ROBO2: variants seen among roughly 807,000 people sequenced by gnomAD.
The protein encoded by ROBO2 is roundabout guidance receptor 2, also known as roundabout homolog 2.
ROBO2 carries 53 observed loss-of-function variants against 160.8 expected under a neutral mutation model. The observed-to-expected ratio is 0.33, with a 90% CI of 0.26 to 0.41. The LOEUF (loss-of-function observed/expected upper bound fraction) is 0.41. Ranked by LOEUF, ROBO2 falls within the 10% of genes least tolerant of loss-of-function variation. The pLI, the probability that ROBO2 is intolerant of heterozygous loss-of-function variation, is 1.00. For missense variants in ROBO2, 1,577 were observed against 1,722.4 expected, an observed-to-expected ratio of 0.92 and a Z score of 1.49; for synonymous variants, 664 against 611.7, an observed-to-expected ratio of 1.09 and a Z score of -1.26.
chr3:77,004,155 T>C (rs1050142646), intron 2 of ROBO2, among the ~76,000 whole-genome samples: 1 of 152,204 alleles, frequency 6.6e-6, no homozygotes, highest in Non-Finnish European at 1.5e-5. Flanking sequence ...TATCATAAAC[T>C]CTGGTTATAT....
chr3:76,249,587 C>T (rs999876451), intron 2 of ROBO2, among the ~76,000 whole-genome samples: 1 of 152,118 alleles, frequency 6.6e-6, no homozygotes, highest in Non-Finnish European at 1.5e-5. Context: ...GTCATGTTTA[C>T]ACAGGTGATT....
chr3:75,914,048 G>A (rs561396982), intron 1 of ROBO2, among the ~76,000 whole-genome samples: 10 of 152,236 alleles, frequency 6.6e-5, no homozygotes, highest in Middle Eastern at 3.4e-3. Flanking sequence ...GAGAGAACTT[G>A]AAATGCCCTG....
chr3:76,008,966 A>G (rs1243933363), intron 2 of ROBO2, among the ~76,000 whole-genome samples: 1 of 152,150 alleles, frequency 6.6e-6, no homozygotes. Flanking sequence ...AGTATGATCT[A>G]ATGGTAATAC....
intron 2 of ROBO2, among the ~76,000 whole-genome samples, chr3:76,838,853 G>A (rs1451137676): frequency 6.6e-6 from 1 of 152,040 alleles, no homozygotes; most frequent in Non-Finnish European, 1.5e-5. Context: ...GGATAAACAT[G>A]GTACCTTCCA....
chr3:75,962,604 C>G (rs571988475), intron 2 of ROBO2, among the ~76,000 whole-genome samples: 2 of 151,936 alleles, frequency 1.3e-5, no homozygotes, highest in South Asian at 4.1e-4. Context: ...GGCGTCAACA[C>G]TAAAAGCTTG....
chr3:77,140,855 ACT>A (rs1471167832), intron 2 of ROBO2, among the ~76,000 whole-genome samples: 1 of 152,126 alleles, frequency 6.6e-6, no homozygotes, highest in Non-Finnish European at 1.5e-5. Context: ...ACCTATAATA[ACT>A]CTTCTTTTTC....
chr3:76,012,984 G>A (rs1224432702), intron 2 of ROBO2, among the ~76,000 whole-genome samples: 2 of 151,668 alleles, frequency 1.3e-5, no homozygotes, highest in East Asian at 1.9e-4. Context: ...TGGGCACGGT[G>A]GCTTATGCAT....
chr3:76,053,908 A>C (rs1035083184), intron 2 of ROBO2, among the ~76,000 whole-genome samples: 1 of 152,064 alleles, frequency 6.6e-6, no homozygotes, highest in Admixed American at 6.5e-5. Context: ...TTTAATAAAC[A>C]TTTGCCTATT....
intron 2 of ROBO2, among the ~76,000 whole-genome samples, chr3:77,431,871 C>T (rs1371447656): frequency 3.9e-5 from 6 of 152,258 alleles, no homozygotes; most frequent in African/African-American, 9.6e-5. Flanking sequence ...GATTCAATAA[C>T]GTAAGTATGT....
chr3:76,891,099 A>G (rs916968930), intron 2 of ROBO2, among the ~76,000 whole-genome samples: 33 of 152,190 alleles, frequency 2.2e-4, no homozygotes, highest in Non-Finnish European at 4.1e-4. Flanking sequence ...TCATTAATAT[A>G]CTTGATGGAA....
chr3:77,124,244 C>T (rs777225348), intron 2 of ROBO2, among the ~76,000 whole-genome samples: 3 of 152,074 alleles, frequency 2.0e-5, no homozygotes, highest in Non-Finnish European at 4.4e-5. Flanking sequence ...ATGAAGCCTC[C>T]TTCTTCAGAA....
At chr3:76,668,281 A>T (rs1044042829) in intron 2 of ROBO2, among the ~76,000 whole-genome samples, 5 of 150,046 alleles carry the variant, frequency 3.3e-5, no homozygotes, top group Non-Finnish European at 4.4e-5. Flanking sequence ...AAAAAATTGT[A>T]GAGAGAGAAA....
At chr3:77,040,566 C>A in exon 1 of ROBO2, 1 of 1,418,272 alleles carries the variant, frequency 7.1e-7, no homozygotes, top group Non-Finnish European at 9.2e-7. Flanking sequence ...ATACAGCAGC[C>A]TTTGAAGTAC....
At chr3:77,314,453 T>C (rs1197106281) in intron 2 of ROBO2, among the ~76,000 whole-genome samples, 1 of 152,218 alleles carries the variant, frequency 6.6e-6, no homozygotes, top group Non-Finnish European at 1.5e-5. Context: ...TTGTCTTAAG[T>C]CAAAACAAAC....
intron 2 of ROBO2, among the ~76,000 whole-genome samples, chr3:76,217,773 A>G (rs1176030564): frequency 3.3e-5 from 5 of 152,180 alleles, no homozygotes; most frequent in Non-Finnish European, 7.3e-5. Context: ...AACTATTCCA[A>G]TCAATAGAAA....
chr3:76,434,287 C>A (rs1472157130), intron 2 of ROBO2: 4 of 1,017,168 alleles, frequency 3.9e-6, no homozygotes, highest in African/African-American at 1.6e-5. Flanking sequence ...CAACAGCCAG[C>A]AGATAATAAG....
intron 2 of ROBO2, among the ~76,000 whole-genome samples, chr3:76,154,130 G>C (rs1577075903): frequency 6.6e-6 from 1 of 152,070 alleles, no homozygotes; most frequent in East Asian, 1.9e-4. Context: ...GGAAGTTGGA[G>C]ATACATGAAC....
At chr3:77,646,182 T>C in exon 26 of ROBO2, 1 of 607,624 alleles carries the variant, frequency 1.6e-6, no homozygotes, top group Admixed American at 3.2e-5. Context: ...AAATGCAATG[T>C]AAAGACACAC....
At chr3:77,360,149 T>C (rs780971555) in intron 2 of ROBO2, among the ~76,000 whole-genome samples, 1 of 152,074 alleles carries the variant, frequency 6.6e-6, no homozygotes, top group Non-Finnish European at 1.5e-5. Context: ...TGACCACTTC[T>C]TTATCAGTCA....
Sources: allele counts gnomAD v4.1 joint callset (sites outside exome capture counted in the v4.1 genomes callset), GRCh38; gene constraint gnomAD v4.1.1; transcripts MANE v1.5; gene names NCBI Gene and HGNC (gene_info 2026-07-23, HGNC 2026-07-21).